Variants in MDM1 observed in about 807,000 individuals in gnomAD.
MDM1 encodes the protein stabilizer of axonemal microtubules 6, also known as Mdm1 nuclear protein.
A neutral mutation model predicts 89.1 loss-of-function variants in MDM1; 61 were observed. That is an observed-to-expected ratio of 0.68 (90% CI 0.56 to 0.85). MDM1 has a LOEUF of 0.85. MDM1 is among the 40% of genes least tolerant of loss of function. The pLI, the probability that MDM1 is intolerant of heterozygous loss-of-function variation, is 0.00. For synonymous variants in MDM1, 290 were observed against 294.1 expected, an observed-to-expected ratio of 0.99 and a Z score of 0.14; for missense variants, 820 against 846.5, an observed-to-expected ratio of 0.97 and a Z score of 0.39.
At chr12:68,317,401 T>C (rs1170431102) in intron 7 of MDM1, among the ~76,000 whole-genome samples, 1 of 151,914 alleles carries the variant, frequency 6.6e-6, no homozygotes, top group Non-Finnish European at 1.5e-5. Context: ...ATTGCTTTTC[T>C]TTCAGGGCAA....
Position 68,325,477 on chromosome 12 carries a change from A to C in MDM1, c.597T>G (p.Thr199=). The change falls in exon 4 of 15, where the codon ACT becomes ACG. Residue 199 remains threonine, a synonymous_variant. Transcript: ENST00000682720. ...CAAAAGCTGGAGCAGTTTCTTTAGA[A>C]GTCTTCCAAACAAACTGCCTTTGAT... is the stretch of plus-strand genomic sequence containing the variant. ...SEYQRQFVWK[T]SKETAPAFAA... 1 of 1,596,692 alleles carries C rather than the reference A, an allele frequency of 6.3e-7. No individual in the cohort carries two copies. The highest frequency in any genetic ancestry group is 1.2e-5 in the South Asian group (1 of 86,016).
chr12:68,307,939 A>G (rs1448384990), intron 12 of MDM1, among the ~76,000 whole-genome samples: 1 of 144,140 alleles, frequency 6.9e-6, no homozygotes, highest in East Asian at 2.0e-4. Context: ...CCCTGTCTCA[A>G]AAAAAAAAAA....
At chr12:68,310,955 C>A (rs1873593485) in intron 12 of MDM1, among the ~76,000 whole-genome samples, 1 of 152,132 alleles carries the variant, frequency 6.6e-6, no homozygotes. Context: ...ACCACCATTT[C>A]CTAACTTTAA....
In MDM1 at chr12:68,313,425, T is replaced by C. The variant is rs952991849; in HGVS notation, c.1749+18A>G. The C allele has an allele frequency of 1.3e-6, 2 of 1,549,484 alleles. No homozygotes were observed. Among genetic ancestry groups the C allele is most frequent in the Non-Finnish European group, 1.8e-6 (2 of 1,123,746 alleles). On this transcript the variant is annotated intron_variant, in intron 12 of 14. Transcript: ENST00000682720. The stretch of plus-strand genomic sequence containing the variant: ...ATTAGTCCTAGATGAGATGCTTTTT[T>C]CCCCAAAACATGTTTACCTTAGTAA...
intron 7 of MDM1, chr12:68,320,863 CAG>C (rs1200283831): frequency 1.3e-5 from 2 of 152,450 alleles, no homozygotes; most frequent in South Asian, 2.1e-4. Context: ...TTCAGATCCC[CAG>C]AGTTTCTCCC....
At chr12:68,300,578 G>A (rs923932030) in intron 13 of MDM1, among the ~76,000 whole-genome samples, 6 of 152,042 alleles carry the variant, frequency 3.9e-5, no homozygotes, top group African/African-American at 9.7e-5. Context: ...ATCATATAAC[G>A]ATAAAAAGGT....
At chr12:68,327,465 G>A (rs556366701) in intron 2 of MDM1, 2 of 1,535,948 alleles carry the variant, frequency 1.3e-6, no homozygotes, top group South Asian at 1.2e-5. Context: ...GAGAAGGGAT[G>A]AGATGTCACT....
intron 2 of MDM1, chr12:68,327,536 T>C: frequency 1.3e-6 from 2 of 1,520,916 alleles, no homozygotes; most frequent in Non-Finnish European, 1.8e-6. Flanking sequence ...GAATAAGCCC[T>C]TTTAACAACA....
intron 2 of MDM1, chr12:68,327,460 G>C (rs1165424308): frequency 6.5e-7 from 1 of 1,535,904 alleles, no homozygotes. Context: ...AAGATGAGAA[G>C]GGATGAGATG....
At chr12:68,316,653 C>T in intron 7 of MDM1, 43 bp from the exon 8 acceptor site, 1 of 1,423,788 alleles carries the variant, frequency 7.0e-7, no homozygotes, top group Non-Finnish European at 9.5e-7. Flanking sequence ...TAGGTTAATG[C>T]CATAATTGAA....
chr12:68,295,839 TGCTACC>T (rs1565760975), intron 14 of MDM1, among the ~76,000 whole-genome samples: 3 of 152,348 alleles, frequency 2.0e-5, no homozygotes, highest in African/African-American at 7.2e-5. Context: ...GATTTTAATA[TGCTACC>T]CTTCCTTAAT....
rs571286569 is a variant in MDM1, at chr12:68,326,533, T to C, written c.498+124A>G. 73 of 1,599,232 alleles carry C rather than the reference T, an allele frequency of 4.6e-5. 1 individual carries two copies. The South Asian group carries it at 6.8e-4, about 15-fold the overall frequency. ...AACAGCCTGTTATCAACTATTCTTA[T>C]AGACATTAGACAAGAAAACAACAAT... On this transcript the variant is annotated intron_variant, in intron 3 of 14. Transcript: ENST00000682720.
rs984167569 is a variant in MDM1 at position 68,321,549 on chromosome 12, G to A, written c.881C>T (p.Thr294Ile). Residue 294 changes from threonine (T) to isoleucine (I), a missense_variant, in exon 6 of 15, where the codon ACT becomes ATT. By Grantham distance (89) the Thr-to-Ile change is moderately conservative. Transcript: ENST00000682720. ...KDLHQPKRKL[T>I]PWKHQRLGKV... ...CCCAAGCCTTTGATGTTTCCAAGGA[G>A]TAAGCTTCCTTTTAGGCTGGTGTAA... The A allele has an allele frequency of 1.9e-6, 3 of 1,612,984 alleles. No homozygotes were observed. The highest frequency in any genetic ancestry group is 1.7e-5 in the Admixed American group (1 of 59,880).
At chr12:68,325,273 T>C in intron 4 of MDM1, 168 bp downstream of exon 4, 1 of 1,285,234 alleles carries the variant, frequency 7.8e-7, no homozygotes, top group Non-Finnish European at 9.9e-7. Flanking sequence ...ATTACTACCA[T>C]AAATCATAAG....
At position 68,312,822 on chromosome 12, in the gene MDM1, TC is replaced by T. The variant is rs1013762423; in HGVS notation, c.1749+620del. ...GCAACAGTGACCTTCTAGCTGTTCC[TC>T]AAGGGGGCAGGTACCCCCTTCACCT... On this transcript the variant is annotated intron_variant, in intron 12 of 14. Coordinates refer to ENST00000682720, the MANE Select transcript of MDM1 (RefSeq NM_001354969.2). Among the ~76,000 whole-genome samples, 41 of 152,234 alleles carry T rather than the reference TC, an allele frequency of 2.7e-4. No homozygotes were observed. The East Asian group carries it at 3.3e-3, about 12-fold the overall frequency.
intron 7 of MDM1, among the ~76,000 whole-genome samples, chr12:68,318,629 A>T (rs2121038615): frequency 6.6e-6 from 1 of 152,288 alleles, no homozygotes. Flanking sequence ...TTCTACTAAA[A>T]AGAGGAGGAA....
At chr12:68,296,502 C>T (rs1040898434) in intron 14 of MDM1, among the ~76,000 whole-genome samples, 10 of 152,236 alleles carry the variant, frequency 6.6e-5, no homozygotes, top group African/African-American at 2.4e-4. Context: ...GTCTCAAAAA[C>T]AAAACAAAAC....
In MDM1 at chr12:68,325,030, T is replaced by A. The variant is rs1000559468; in HGVS notation, c.633+411A>T. The A allele has an allele frequency of 6.1e-6, 6 of 979,806 alleles. No individual in the cohort carries two copies. In the African/African-American group the frequency reaches 1.1e-4, roughly 17 times the overall value. 60.7% of individuals were successfully genotyped at this position (979,806 alleles called of 1,614,324 possible). A position where few individuals can be genotyped will look rare whatever the true frequency, so the allele number is the denominator to read the frequency against. ...TTACTGTCAACATATTTTGTATTTA[T>A]TAAATATTCAAAGCAGTTACGCCTT... On this transcript the variant is annotated intron_variant, in intron 4 of 14. Transcript: ENST00000682720.
At position 68,320,749 on chromosome 12, in the gene MDM1, A is replaced by C. The variant is rs975026974; in HGVS notation, c.1005+598T>G. On this transcript the variant is annotated intron_variant, in intron 7 of 14. Coordinates refer to ENST00000682720, the MANE Select transcript of MDM1 (RefSeq NM_001354969.2). Reference sequence around the variant, plus strand: ...AGATATGATTTGAAAGATGCTAATTAATACAATAACAAAAAGGTTCCATTC... The same window carrying C: ...AGATATGATTTGAAAGATGCTAATTCATACAATAACAAAAAGGTTCCATTC... 1.8e-4 allele frequency among the ~76,000 whole-genome samples: 28 copies of C among 152,202 alleles called. 1 individual carries two copies. The highest frequency in any genetic ancestry group is 1.8e-3 in the Admixed American group (28 of 15,284).
Sources: allele counts gnomAD v4.1 joint callset (sites outside exome capture counted in the v4.1 genomes callset), GRCh38; gene constraint gnomAD v4.1.1; transcripts MANE v1.5; gene names NCBI Gene and HGNC (gene_info 2026-07-23, HGNC 2026-07-21).